The following TMEM253 variants were observed in gnomAD, a reference collection of about 807,000 sequenced individuals.
TMEM253 encodes the protein transmembrane protein 253.
Under a neutral mutation model 20.3 loss-of-function variants are expected in TMEM253, and 22 were observed. The ratio of observed to expected loss-of-function variants is 1.08; its 90% confidence interval spans 0.78 to 1.55. TMEM253 has a LOEUF of 1.55. Among genes scored for constraint, TMEM253 ranks in the 40% most tolerant of loss-of-function variants. TMEM253 has a pLI of 0.00. For synonymous variants in TMEM253, 92 were observed against 102.6 expected, an observed-to-expected ratio of 0.90 and a Z score of 0.62; for missense variants, 251 against 266.1, an observed-to-expected ratio of 0.94 and a Z score of 0.39.
exon 7 of TMEM253, chr14:21,103,614 C>CCAGTT (rs1889790560): frequency 4.5e-6 from 1 of 221,432 alleles, no homozygotes; most frequent in South Asian, 5.9e-5. Flanking sequence ...CAGGAGTGCC[C>CCAGTT]CAGTTCCCCT....
chr14:21,098,886 C>G, upstream of TMEM253: 1 of 1,279,158 alleles, frequency 7.8e-7, no homozygotes, highest in Non-Finnish European at 1.0e-6. Context: ...GGGGTTTTAT[C>G]TCAAAGCCTC....
At chr14:21,099,922 T>C (rs983631415), upstream of TMEM253, among the ~76,000 whole-genome samples, 1 of 152,178 alleles carries the variant, frequency 6.6e-6, no homozygotes, top group Non-Finnish European at 1.5e-5. Context: ...ATAACACTTT[T>C]AGTGTATGGG....
At chr14:21,101,061 A>C, upstream of TMEM253, 1 of 315,850 alleles carries the variant, frequency 3.2e-6, no homozygotes, top group Non-Finnish European at 6.1e-6. Context: ...GCCCCACCAC[A>C]CCCCATCCCT....
intron 2 of TMEM253, 100 bp downstream of exon 2, chr14:21,101,551 T>A (rs1019601270): frequency 4.5e-6 from 5 of 1,107,654 alleles, no homozygotes; most frequent in Non-Finnish European, 6.5e-6. Flanking sequence ...ACCTACCATG[T>A]GCCAGAAACT....
At chr14:21,100,189 G>A (rs191417332), upstream of TMEM253, among the ~76,000 whole-genome samples, 32 of 152,090 alleles carry the variant, frequency 2.1e-4, no homozygotes, top group Admixed American at 9.8e-4. Flanking sequence ...ATTGTGAGAC[G>A]ACCCTGTCTC....
chr14:21,101,413 G>A, exon 2 of TMEM253: 1 of 1,551,612 alleles, frequency 6.4e-7, no homozygotes, highest in Non-Finnish European at 8.7e-7. Flanking sequence ...ACAACACTGG[G>A]CAAGGCACAG....
At position 21,102,097 on chromosome 14, in the gene TMEM253, C is replaced by T. The variant is rs569981936; in HGVS notation, c.253C>T (p.Arg85Cys). 267 of 1,551,078 alleles carry T rather than the reference C, an allele frequency of 1.7e-4. No individual in the cohort carries two copies. Among genetic ancestry groups the T allele is most frequent in the South Asian group, 2.7e-4 (23 of 83,988 alleles). Reference sequence around the variant, plus strand: ...CACTGGGACTGTCACTCTGGAGCTTCGCAGAGCACCCCGCCTTTGGAAGGT... The same window carrying T: ...CACTGGGACTGTCACTCTGGAGCTTTGCAGAGCACCCCGCCTTTGGAAGGT... Residue 85 changes from arginine to cysteine, a missense_variant, in exon 4 of 7, where the codon CGC becomes TGC. Physicochemically the swap from Arg to Cys is radical, Grantham distance 180. Transcript: ENST00000556585.
At chr14:21,102,676 C>A in exon 6 of TMEM253, 3 of 1,551,584 alleles carry the variant, frequency 1.9e-6, no homozygotes, top group Non-Finnish European at 2.6e-6. Flanking sequence ...GAGGCCTTCA[C>A]CCTAGGGGGA....
At chr14:21,102,030 C>A in intron 3 of TMEM253, 34 bp from the exon 4 acceptor site, 1 of 1,550,664 alleles carries the variant, frequency 6.4e-7, no homozygotes. Flanking sequence ...CCTAACGGGA[C>A]CAGAGCTCAA....
intron 2 of TMEM253, 42 bp downstream of exon 2, chr14:21,101,493 T>A (rs1311401352): frequency 7.3e-6 from 11 of 1,500,578 alleles, no homozygotes; most frequent in Non-Finnish European, 1.0e-5. Context: ...GCATGTCCAC[T>A]TCTACCCAAT....
intron 4 of TMEM253, 109 bp from the exon 5 acceptor site, chr14:21,102,296 G>T: frequency 1.4e-6 from 2 of 1,436,992 alleles, no homozygotes; most frequent in Non-Finnish European, 1.9e-6. Context: ...GGCCCTGTTT[G>T]GAGGCTGAGA....
At chr14:21,099,290 A>G (rs1889496502), upstream of TMEM253, 1 of 152,282 alleles carries the variant, frequency 6.6e-6, no homozygotes. Flanking sequence ...CTCTATAATT[A>G]AATTAGCCCC....
At chr14:21,098,860 T>G (rs1385782385), upstream of TMEM253, 2 of 1,285,974 alleles carry the variant, frequency 1.6e-6, no homozygotes, top group Admixed American at 4.6e-5. Context: ...ATGCACAGAC[T>G]CGGGAAGTTC....
upstream of TMEM253, chr14:21,098,890 A>G: frequency 7.8e-7 from 1 of 1,277,114 alleles, no homozygotes; most frequent in Non-Finnish European, 1.0e-6. Flanking sequence ...TTTTATCTCA[A>G]AGCCTCTCCC....
At chr14:21,100,369 TATA>T (rs3061999), upstream of TMEM253, among the ~76,000 whole-genome samples, 36 of 149,412 alleles carry the variant, frequency 2.4e-4, no homozygotes, top group East Asian at 9.9e-4. Context: ...GTCTCAATAA[TATA>T]ATAATAATAA....
upstream of TMEM253, among the ~76,000 whole-genome samples, chr14:21,100,870 A>C (rs1357117252): frequency 6.6e-6 from 1 of 152,138 alleles, no homozygotes; most frequent in African/African-American, 2.4e-5. Context: ...TGAGGTCCAG[A>C]GTGATAGTGT....
chr14:21,103,330 A>G, exon 7 of TMEM253: 6 of 1,497,880 alleles, frequency 4.0e-6, no homozygotes, highest in Non-Finnish European at 5.3e-6. Flanking sequence ...CTTCGAGTCC[A>G]ATAGGAAGTC....
At chr14:21,101,286 A>T in intron 1 of TMEM253, 22 bp from the exon 2 acceptor site, 2 of 1,483,590 alleles carry the variant, frequency 1.3e-6, no homozygotes, top group South Asian at 2.4e-5. Flanking sequence ...AATAGACAGA[A>T]CCTATAACGC....
chr14:21,102,343 G>C (rs1889692756), intron 4 of TMEM253, 62 bp from the exon 5 acceptor site: 1 of 1,528,346 alleles, frequency 6.5e-7, no homozygotes, highest in Admixed American at 2.0e-5. Flanking sequence ...TAGGCTGCAA[G>C]TGGGGATTGA....
Sources: gnomAD v4.1 joint callset for allele counts (sites outside exome capture counted in the v4.1 genomes callset) on GRCh38, gnomAD v4.1.1 for gene constraint, MANE v1.5 for transcripts, NCBI Gene and HGNC (gene_info 2026-07-23, HGNC 2026-07-21) for gene names.